The following CBLN1 variants were observed in gnomAD, a reference collection of about 807,000 sequenced individuals.
CBLN1 encodes the protein cerebellin-1.
A neutral mutation model predicts 15.9 loss-of-function variants in CBLN1; 5 were observed. The observed-to-expected ratio is 0.31, with a 90% CI of 0.16 to 0.66. CBLN1 has a LOEUF of 0.66. Ranked by LOEUF, CBLN1 falls within the 30% of genes least tolerant of loss-of-function variation. CBLN1 has a pLI of 0.75. For missense variants in CBLN1, 164 were observed against 253.7 expected (o/e 0.65, Z 2.40); for synonymous variants, 90 against 107.6 (o/e 0.84, Z 1.01).
At position 49,281,191 on chromosome 16, in the gene CBLN1, G is replaced by A. The variant is rs772183440; in HGVS notation, c.264+11C>T. On this transcript the variant is annotated intron_variant, in intron 1 of 2. Transcript: ENST00000219197. ...CCCAATCTGCACGCCGCGGGAGGAA[G>A]GAACACTCACCTGGTCGAAGTAGAT... 5 of 1,614,052 alleles carry A rather than the reference G, an allele frequency of 3.1e-6. No individual in the cohort carries two copies. The East Asian group carries it at 1.1e-4, about 36-fold the overall frequency.
rs1448662567 is a variant in CBLN1 at position 49,281,825 on chromosome 16, C to A, written c.-360G>T. 1 of 194,782 alleles carries A rather than the reference C, an allele frequency of 5.1e-6. No homozygotes were observed. 12.1% of individuals were successfully genotyped at this position (194,782 alleles called of 1,614,324 possible). ...TTATTGATGCAGCCGGCGCTGCAGC[C>A]GGAGCGGGCGGAGAGCGCGCGCCGG... is the stretch of plus-strand genomic sequence containing the variant. On this transcript the variant is annotated 5_prime_UTR_variant, in exon 1 of 3. Transcript: ENST00000219197.
Position 49,278,800 on chromosome 16 carries a change from C to A in CBLN1, c.*604G>T, listed in dbSNP as rs1963226211. 6.6e-6 allele frequency: 1 copy of A among 152,452 alleles called. No individual in the cohort carries two copies. Among genetic ancestry groups the A allele is most frequent in the African/African-American group, 2.4e-5 (1 of 41,428 alleles). The allele number at this position is 152,452 out of a possible 1,614,324, so 9.4% of individuals were successfully genotyped here. On this transcript the variant is annotated 3_prime_UTR_variant, in exon 3 of 3. Coordinates refer to ENST00000219197, the MANE Select transcript of CBLN1 (RefSeq NM_004352.4). ...ATATTTATATTTTTTAAACCAGTCA[C>A]CACTAAGGTGAGTCCTTTCTCTGCT...
In CBLN1 at chr16:49,278,454, CT is replaced by C. The variant is rs1374503237; in HGVS notation, c.*949del. The C allele has an allele frequency of 6.6e-6, 1 of 152,278 alleles. No individual in the cohort carries two copies. The highest frequency in any genetic ancestry group is 1.5e-5 in the Non-Finnish European group (1 of 68,048). The allele number at this position is 152,278 out of a possible 1,614,324, so 9.4% of individuals were successfully genotyped here. A position where few individuals can be genotyped will look rare whatever the true frequency, so the allele number is the denominator to read the frequency against. ...GTCTCCTGCCTTTCGGAACCTCGCC[CT>C]TTGGCACCCCAGACCCCCAACCTCG... is the stretch of plus-strand genomic sequence containing the variant. On this transcript the variant is annotated 3_prime_UTR_variant, in exon 3 of 3. Transcript: ENST00000219197.
At chr16:49,280,893 G>A (rs1963270980) in intron 2 of CBLN1, 30 bp downstream of exon 2, 1 of 1,613,818 alleles carries the variant, frequency 6.2e-7, no homozygotes, top group African/African-American at 1.3e-5. Context: ...CCCCTACGGG[G>A]CCAGGGCCCG....
rs1481558093 is a variant in CBLN1 at position 49,279,611 on chromosome 16, A to G, written c.385-10T>C. The G allele has an allele frequency of 6.2e-7, 1 of 1,613,398 alleles. No individual in the cohort carries two copies. The highest frequency in any genetic ancestry group is 1.7e-5 in the Admixed American group (1 of 59,990). On this transcript the variant is annotated splice_polypyrimidine_tract_variant and intron_variant, in intron 2 of 2. Coordinates refer to ENST00000219197, the MANE Select transcript of CBLN1 (RefSeq NM_004352.4). ...TTAGCATGAGGCTCACCTGAGAAAGAGAAAGGCCCGCTTCAGAGGCGCAAC... is the reference window on the plus strand; with the variant it reads ...TTAGCATGAGGCTCACCTGAGAAAGGGAAAGGCCCGCTTCAGAGGCGCAAC...
chr16:49,279,227 T>A lies in CBLN1; in HGVS notation c.*177A>T. 1.6e-6 allele frequency: 1 copy of A among 621,018 alleles called. No homozygotes were observed. The highest frequency in any genetic ancestry group is 2.8e-6 in the Non-Finnish European group (1 of 355,024). The allele number at this position is 621,018 out of a possible 1,614,324, so 38.5% of individuals were successfully genotyped here. The stretch of plus-strand genomic sequence containing the variant: ...GCTAAGCGAAATTTATTTCTCCTAA[T>A]AAGGAAATGGACAAAGTTGTCCCAC... On this transcript the variant is annotated 3_prime_UTR_variant, in exon 3 of 3. Coordinates refer to ENST00000219197, the MANE Select transcript of CBLN1 (RefSeq NM_004352.4).
rs1250963795 is a variant in CBLN1, at chr16:49,279,056, A to G, written c.*348T>C. The G allele has an allele frequency of 7.0e-6, 2 of 287,068 alleles. No individual in the cohort carries two copies. Among genetic ancestry groups the G allele is most frequent in the Non-Finnish European group, 1.3e-5 (2 of 154,238 alleles). The allele number at this position is 287,068 out of a possible 1,614,324, so 17.8% of individuals were successfully genotyped here. ...GGGCTAGGGAGAAAGATTTCAGATT[A>G]TGTAGTGAAATACAAAGTTTCTTTA... On this transcript the variant is annotated 3_prime_UTR_variant, in exon 3 of 3. Transcript: ENST00000219197.
At position 49,278,390 on chromosome 16, in the gene CBLN1, C is replaced by A. The variant is rs927480328; in HGVS notation, c.*1014G>T. ...GCGCAAGGCCGGCTTTGCAAGGAAGCCCTCGCGCCCAGGCCTTTCTATGGT... is the reference window on the plus strand; with the variant it reads ...GCGCAAGGCCGGCTTTGCAAGGAAGACCTCGCGCCCAGGCCTTTCTATGGT... On this transcript the variant is annotated 3_prime_UTR_variant, in exon 3 of 3. Transcript: ENST00000219197. 8.2e-6 allele frequency: 1 copy of A among 122,462 alleles called. No homozygotes were observed. Among genetic ancestry groups the A allele is most frequent in the Non-Finnish European group, 1.7e-5 (1 of 58,562 alleles). The allele number at this position is 122,462 out of a possible 1,614,324, so 7.6% of individuals were successfully genotyped here. A position where few individuals can be genotyped will look rare whatever the true frequency, so the allele number is the denominator to read the frequency against.
At position 49,278,734 on chromosome 16, in the gene CBLN1, C is replaced by T. The variant is rs890239918; in HGVS notation, c.*670G>A. 1.3e-5 allele frequency: 2 copies of T among 152,154 alleles called. No homozygotes were observed. The highest frequency in any genetic ancestry group is 4.8e-5 in the African/African-American group (2 of 41,410). 9.4% of individuals were successfully genotyped at this position (152,154 alleles called of 1,614,324 possible). A position where few individuals can be genotyped will look rare whatever the true frequency, so the allele number is the denominator to read the frequency against. On this transcript the variant is annotated 3_prime_UTR_variant, in exon 3 of 3. Coordinates refer to ENST00000219197, the MANE Select transcript of CBLN1 (RefSeq NM_004352.4). ...AGAACATAGAAATACGGAAACACAG[C>T]CAGTTTCCACTGGGAAGAGTTCTTC...
chr16:49,279,580 A>T lies in CBLN1; in HGVS notation c.406T>A (p.Trp136Arg). 1 of 1,614,122 alleles carries T rather than the reference A, an allele frequency of 6.2e-7. No individual in the cohort carries two copies. Among genetic ancestry groups the T allele is most frequent in the Non-Finnish European group, 8.5e-7 (1 of 1,180,022 alleles). Residue 136 changes from tryptophan to arginine, a missense_variant, in exon 3 of 3, where the codon TGG becomes AGG. Physicochemically the swap from Trp to Arg is moderately radical, Grantham distance 101. Transcript: ENST00000219197. Reference protein sequence around the residue: ...TIQVSLMLNGWPVISAFAGDQ... With the variant: ...TIQVSLMLNGRPVISAFAGDQ... ...CCAGCGAAGGCTGAAATCACCGGCC[A>T]CCCGTTTAGCATGAGGCTCACCTGA...
At chr16:49,279,880 C>T (rs1287922400) in intron 2 of CBLN1, among the ~76,000 whole-genome samples, 1 of 152,184 alleles carries the variant, frequency 6.6e-6, no homozygotes, top group African/African-American at 2.4e-5. Flanking sequence ...AAGCGAATCT[C>T]GACTGTGCTC....
chr16:49,279,935 A>AG (rs1183963323), intron 2 of CBLN1, among the ~76,000 whole-genome samples: 1 of 152,142 alleles, frequency 6.6e-6, no homozygotes, highest in Non-Finnish European at 1.5e-5. Context: ...TAGCGCCCTG[A>AG]GACCTTTGAC....
In CBLN1 at chr16:49,280,959, G is replaced by T. The variant is rs1292082742; in HGVS notation, c.348C>A (p.Phe116Leu). ...APRKGIYSFN[F>L]HVVKVYNRQT... ...GTCTGTTGTAGACTTTTACCACGTG[G>T]AAGTTAAAACTGTAGATCCCTTTGC... Residue 116 changes from phenylalanine to leucine, a missense_variant, in exon 2 of 3, where the codon TTC becomes TTA. By Grantham distance (22) the Phe-to-Leu change is conservative (BLOSUM62 0). Transcript: ENST00000219197. 6.2e-7 allele frequency: 1 copy of T among 1,614,266 alleles called. No homozygotes were observed. Among genetic ancestry groups the T allele is most frequent in the Non-Finnish European group, 8.5e-7 (1 of 1,180,042 alleles).
At chr16:49,279,744 G>A in intron 2 of CBLN1, 143 bp from the exon 3 acceptor site, 2 of 672,138 alleles carry the variant, frequency 3.0e-6, no homozygotes, top group Non-Finnish European at 5.1e-6. Context: ...GCGAATGGAG[G>A]AAAAGGGGCT....
chr16:49,280,466 G>A (rs1368071350), intron 2 of CBLN1, among the ~76,000 whole-genome samples: 1 of 152,214 alleles, frequency 6.6e-6, no homozygotes, highest in African/African-American at 2.4e-5. Flanking sequence ...GTGGGGATTG[G>A]GGACAAGTGG....
chr16:49,281,328 G>A lies in CBLN1; in HGVS notation c.138C>T (p.Pro46=). Residue 46 remains proline (P), a synonymous_variant, in exon 1 of 3, where the codon CCC becomes CCT. Transcript: ENST00000219197. Reference sequence around the variant, plus strand: ...CAGAGATGCCCAGGGCAGTGCCCGTGGGGTCGGACGTGGGGTTGGAGTCGC... The same window carrying A: ...CAGAGATGCCCAGGGCAGTGCCCGTAGGGTCGGACGTGGGGTTGGAGTCGC... The part of the protein sequence containing the change: ...VVCDSNPTSD[P]TGTALGISVR... 6.2e-7 allele frequency: 1 copy of A among 1,613,042 alleles called. No individual in the cohort carries two copies.
At position 49,278,150 on chromosome 16, in the gene CBLN1, G is replaced by A. The variant is rs1963217530; in HGVS notation, c.*1254C>T. 6.6e-6 allele frequency: 1 copy of A among 152,252 alleles called. No individual in the cohort carries two copies. The highest frequency in any genetic ancestry group is 2.1e-4 in the South Asian group (1 of 4,828). The allele number at this position is 152,252 out of a possible 1,614,324, so 9.4% of individuals were successfully genotyped here. A position where few individuals can be genotyped will look rare whatever the true frequency, so the allele number is the denominator to read the frequency against. On this transcript the variant is annotated 3_prime_UTR_variant, in exon 3 of 3. Transcript: ENST00000219197. ...GGTGGGAGACATCCGGGGACAGAAG[G>A]CCTGAGGAGTCTGCCGCTCCAGGCA...
In CBLN1 at chr16:49,280,926, T is replaced by C. The variant is rs61735589; in HGVS notation, c.381A>G (p.Ile127Met). 6 of 1,614,080 alleles carry C rather than the reference T, an allele frequency of 3.7e-6. No homozygotes were observed. The highest frequency in any genetic ancestry group is 2.7e-5 in the African/African-American group (2 of 74,930). Residue 127 changes from isoleucine to methionine, a missense_variant, in exon 2 of 3, where the codon ATA (isoleucine) becomes ATG (methionine). This residue lies in a region of CBLN1 where 127 missense variants were observed against 179.7 expected (regional missense o/e 0.71). Transcript: ENST00000219197. ...HVVKVYNRQT[I>M]QVSLMLNGWP... ...CCGGCACGAGGCGTCGGCTGACCTG[T>C]ATGGTTTGTCTGTTGTAGACTTTTA...
intron 2 of CBLN1, 131 bp from the exon 3 acceptor site, chr16:49,279,732 G>GCCCCCCCCC: frequency 1.6e-6 from 1 of 636,620 alleles, no homozygotes; most frequent in East Asian, 3.4e-5. Flanking sequence ...GGGGTGGGGG[G>GCCCCCCCCC]GGCGAATGGA....
Sources: allele counts gnomAD v4.1 joint callset (sites outside exome capture counted in the v4.1 genomes callset), GRCh38; gene constraint gnomAD v4.1.1; regional missense constraint gnomAD v4.1.1; transcripts MANE v1.5; gene names NCBI Gene and HGNC (gene_info 2026-07-23, HGNC 2026-07-21).